NSMCE1: variants seen among roughly 807,000 people sequenced by gnomAD.
NSMCE1 encodes non-structural maintenance of chromosomes element 1 homolog.
In NSMCE1, 18 loss-of-function variants were observed where a neutral mutation model predicts 29.6. The observed-to-expected ratio is 0.61, with a 90% CI of 0.42 to 0.90. The LOEUF is 0.90. Among genes scored for constraint, NSMCE1 ranks in the 40% least tolerant of loss-of-function variants. The pLI is 0.00. For missense variants in NSMCE1, 314 were observed against 343.6 expected, an observed-to-expected ratio of 0.91 and a Z score of 0.68; for synonymous variants, 124 against 133.4, an observed-to-expected ratio of 0.93 and a Z score of 0.49.
At chr16:27,262,226 A>G (rs2141011790) in intron 1 of NSMCE1, among the ~76,000 whole-genome samples, 1 of 143,240 alleles carries the variant, frequency 7.0e-6, no homozygotes, top group Non-Finnish European at 1.5e-5. Flanking sequence ...CCTGAGCAAC[A>G]GAGTGAGACT....
Position 27,232,638 on chromosome 16 carries a change from G to A in NSMCE1, c.483+363C>T, listed in dbSNP as rs2083774076. Among the ~76,000 whole-genome samples, 1 of 152,256 alleles carries A rather than the reference G, an allele frequency of 6.6e-6. No individual in the cohort carries two copies. The highest frequency in any genetic ancestry group is 1.5e-5 in the Non-Finnish European group (1 of 68,048). ...TCTTACAAGGAACATGAGGTCACCT[G>A]GCTCAGGGTTCAGACCCGGGTTAGA... is the stretch of plus-strand genomic sequence containing the variant. On this transcript the variant is annotated intron_variant, in intron 5 of 7. Transcript: ENST00000361439. This position sits in a 1 kb window ranked among gnomAD's most constrained non-coding sequence, Gnocchi z 4.5.
At chr16:27,245,241 G>A (rs11644287) in intron 2 of NSMCE1, among the ~76,000 whole-genome samples, 2,918 of 152,336 alleles carry the variant, frequency 0.019, 40 homozygotes, top group African/African-American at 0.038. Context: ...ACTCAGAAAA[G>A]TAAAAGAACT....
At chr16:27,253,450 A>G (rs1005898361) in intron 2 of NSMCE1, among the ~76,000 whole-genome samples, 1 of 152,236 alleles carries the variant, frequency 6.6e-6, no homozygotes, top group Non-Finnish European at 1.5e-5. Flanking sequence ...CTCATTGCCC[A>G]TCTCTCGAAA....
chr16:27,234,016 G>A (rs2083790583), intron 4 of NSMCE1, 172 bp downstream of exon 4: 1 of 585,630 alleles, frequency 1.7e-6, no homozygotes, highest in Non-Finnish European at 3.0e-6. Flanking sequence ...GCAGCTGTGA[G>A]TTCCAGATGG....
chr16:27,228,498 T>C (rs2083727416), intron 5 of NSMCE1, among the ~76,000 whole-genome samples: 1 of 143,374 alleles, frequency 7.0e-6, no homozygotes, highest in African/African-American at 2.7e-5. Flanking sequence ...TCTTCCAGCC[T>C]CCCCTCCAGA....
chr16:27,235,355 T>C, intron 2 of NSMCE1, 56 bp from the exon 3 acceptor site: 3 of 1,593,694 alleles, frequency 1.9e-6, no homozygotes, highest in African/African-American at 1.3e-5. Flanking sequence ...ATCAAAAAAA[T>C]GTAGCTTGCT....
chr16:27,246,670 T>G (rs1191239711), intron 2 of NSMCE1, among the ~76,000 whole-genome samples: 2 of 152,156 alleles, frequency 1.3e-5, no homozygotes, highest in Non-Finnish European at 2.9e-5. Flanking sequence ...TTTTATTTTA[T>G]GTAGATACAG....
At chr16:27,231,581 G>A (rs889309922) in intron 5 of NSMCE1, among the ~76,000 whole-genome samples, 1 of 151,570 alleles carries the variant, frequency 6.6e-6, no homozygotes, top group African/African-American at 2.4e-5. Context: ...AGGTTGCGGT[G>A]AGCCAAGATT....
intron 1 of NSMCE1, among the ~76,000 whole-genome samples, chr16:27,262,677 G>A (rs1026065527): frequency 2.0e-5 from 3 of 152,108 alleles, no homozygotes; most frequent in Non-Finnish European, 2.9e-5. Context: ...CTGGACACAG[G>A]AACGGGCAAA....
At chr16:27,236,765 G>T (rs927913298) in intron 2 of NSMCE1, among the ~76,000 whole-genome samples, 1 of 152,058 alleles carries the variant, frequency 6.6e-6, no homozygotes, top group Non-Finnish European at 1.5e-5. Flanking sequence ...AACAAAAACA[G>T]AACCAATGAA....
rs373419823 is a variant in NSMCE1 at position 27,233,160 on chromosome 16, G to A, written c.337-13C>T. On this transcript the variant is annotated splice_polypyrimidine_tract_variant and intron_variant, in intron 4 of 7. Transcript: ENST00000361439. Reference sequence around the variant, plus strand: ...TAATCAGTTCCAGCTGGAAGAAAGAGCAGGTATCATGCTCATCTATTAAAA... The same window carrying A: ...TAATCAGTTCCAGCTGGAAGAAAGAACAGGTATCATGCTCATCTATTAAAA... 608 of 1,609,406 alleles carry A rather than the reference G, an allele frequency of 3.8e-4. 2 individuals are homozygous for A. Among genetic ancestry groups the A allele is most frequent in the Non-Finnish European group, 2.6e-4 (305 of 1,178,356 alleles).
chr16:27,235,452 A>G (rs1370618451), intron 2 of NSMCE1, among the ~76,000 whole-genome samples, 153 bp from the exon 3 acceptor site: 1 of 152,186 alleles, frequency 6.6e-6, no homozygotes, highest in Non-Finnish European at 1.5e-5. Flanking sequence ...CGCCAATGCC[A>G]CGTGGCTTCT....
intron 7 of NSMCE1, 99 bp downstream of exon 7, chr16:27,225,627 T>C: frequency 7.0e-7 from 1 of 1,435,892 alleles, no homozygotes; most frequent in Non-Finnish European, 9.5e-7. Flanking sequence ...CCACACACCC[T>C]GGAGCCCTTC....
chr16:27,245,508 G>C (rs1327050919), intron 2 of NSMCE1, among the ~76,000 whole-genome samples: 1 of 152,234 alleles, frequency 6.6e-6, no homozygotes, highest in East Asian at 1.9e-4. Context: ...GGCTGCGGTG[G>C]AGCAGTCCAG....
At chr16:27,248,711 C>A (rs1180403604) in intron 2 of NSMCE1, among the ~76,000 whole-genome samples, 2 of 150,572 alleles carry the variant, frequency 1.3e-5, no homozygotes, top group Non-Finnish European at 3.0e-5. Context: ...GCCTGGCCTG[C>A]ATTTTTTAAA....
At chr16:27,251,170 AT>A (rs1567281157) in intron 2 of NSMCE1, among the ~76,000 whole-genome samples, 17 of 50,838 alleles carry the variant, frequency 3.3e-4, no homozygotes, top group African/African-American at 9.3e-4. Context: ...ATATATATAT[AT>A]ATATATATAT....
intron 2 of NSMCE1, 42 bp downstream of exon 2, chr16:27,257,393 C>A: frequency 6.4e-7 from 1 of 1,566,958 alleles, no homozygotes. Context: ...CCCTGATCAA[C>A]ACAGCACCAG....
chr16:27,235,859 G>A (rs527901682), intron 2 of NSMCE1, among the ~76,000 whole-genome samples: 6 of 152,178 alleles, frequency 3.9e-5, no homozygotes, highest in African/African-American at 1.2e-4. Context: ...AACAACAAAC[G>A]GGGTGAGAAG....
In NSMCE1 at chr16:27,228,339, G is replaced by A. The variant is rs2083725249; in HGVS notation, c.484-1503C>T. Among the ~76,000 whole-genome samples the A allele has an allele frequency of 2.0e-5, 3 of 152,098 alleles. No individual in the cohort carries two copies. In the South Asian group the frequency reaches 6.2e-4, roughly 31 times the overall value. ...GCCCTGCACCGCAGCTGTTGCTGGT[G>A]CACAGGGGCTTTGTGTCATCCAAGT... On this transcript the variant is annotated intron_variant, in intron 5 of 7. Transcript: ENST00000361439.
Sources: allele counts gnomAD v4.1 joint callset (sites outside exome capture counted in the v4.1 genomes callset), GRCh38; gene constraint gnomAD v4.1.1; non-coding constraint Gnocchi (gnomAD v3.1); transcripts MANE v1.5; gene names NCBI Gene and HGNC (gene_info 2026-07-23, HGNC 2026-07-21).